The following NXPH1 variants were observed in gnomAD, a reference collection of about 807,000 sequenced individuals.
The protein encoded by NXPH1 is neurexophilin 1, also known as neurexophilin-1.
NXPH1 carries 5 observed loss-of-function variants against 23.7 expected under a neutral mutation model. The ratio of observed to expected loss-of-function variants is 0.21; its 90% CI spans 0.11 to 0.44. The LOEUF (loss-of-function observed/expected upper bound fraction) is 0.44. Among genes scored for constraint, NXPH1 ranks in the 20% least tolerant of loss-of-function variants. The probability of loss-of-function intolerance (pLI) is 0.99; values close to 1 mark genes in which losing one functional copy is unlikely to be tolerated. For synonymous variants in NXPH1, 144 were observed against 122.2 expected (o/e 1.18, Z -1.18); for missense variants, 324 against 321.6 (o/e 1.01, Z -0.06).
chr7:8,751,546 A>G lies in NXPH1; in HGVS notation c.593A>G (p.Tyr198Cys). Residue 198 changes from tyrosine to cysteine, a missense_variant, in exon 3 of 3, where the codon TAT becomes TGT. By Grantham distance (194) the Tyr-to-Cys change is radical. Transcript: ENST00000405863. This position sits in a 1 kb window ranked among gnomAD's most constrained non-coding sequence, Gnocchi z 4.5. ...DSKSFNCRIE[Y>C]EKVDKATKNT... ...AAGTCTTTTAATTGTCGCATTGAAT[A>G]TGAAAAGGTTGACAAGGCTACCAAG... 1 of 1,613,538 alleles carries G rather than the reference A, an allele frequency of 6.2e-7. No homozygotes were observed. The highest frequency in any genetic ancestry group is 8.5e-7 in the Non-Finnish European group (1 of 1,179,716).
Position 8,542,385 on chromosome 7 carries a change from A to G in NXPH1, c.54+106618A>G, listed in dbSNP as rs1343616699. On this transcript the variant is annotated intron_variant, in intron 2 of 2. Transcript: ENST00000405863. The stretch of plus-strand genomic sequence containing the variant: ...GCAGTGAGAGAGTTAAGAGATTCCA[A>G]CACCACTTTCTCAGTAATTGATAGA... Among the ~76,000 whole-genome samples, 8 of 151,582 alleles carry G rather than the reference A, an allele frequency of 5.3e-5. 1 individual carries two copies. The highest frequency in any genetic ancestry group is 1.2e-4 in the African/African-American group (5 of 41,382).
chr7:8,521,989 A>G (rs537353171), intron 2 of NXPH1, among the ~76,000 whole-genome samples: 3 of 152,296 alleles, frequency 2.0e-5, no homozygotes, highest in South Asian at 2.1e-4. Context: ...TAGGATACTG[A>G]CACTGCTACC....
chr7:8,749,048 A>AT (rs932054830), intron 2 of NXPH1, among the ~76,000 whole-genome samples: 8 of 152,080 alleles, frequency 5.3e-5, no homozygotes, highest in Admixed American at 2.0e-4. Context: ...GGGGGAGCCC[A>AT]TTTTTTTCCA....
At chr7:8,579,364 T>G (rs1440594680) in intron 2 of NXPH1, among the ~76,000 whole-genome samples, 1 of 114,230 alleles carries the variant, frequency 8.8e-6, no homozygotes, top group Non-Finnish European at 1.7e-5. Flanking sequence ...GTTTTTTTTG[T>G]TTTTTTTTTT....
intron 2 of NXPH1, among the ~76,000 whole-genome samples, chr7:8,692,716 A>G (rs746178371): frequency 6.6e-6 from 1 of 152,196 alleles, no homozygotes; most frequent in Non-Finnish European, 1.5e-5. Context: ...AACTCCCAGT[A>G]TCCTTTGTGT....
chr7:8,516,373 G>T (rs183378891), intron 2 of NXPH1, among the ~76,000 whole-genome samples: 5 of 152,122 alleles, frequency 3.3e-5, no homozygotes, highest in Admixed American at 6.6e-5. Context: ...TAAGAAACCA[G>T]TTACTCAGAA....
chr7:8,622,740 G>A (rs769133940), intron 2 of NXPH1, among the ~76,000 whole-genome samples: 1 of 152,140 alleles, frequency 6.6e-6, no homozygotes, highest in Admixed American at 6.6e-5. Flanking sequence ...AAAGAACTTT[G>A]TGCAAACGCT....
intron 2 of NXPH1, among the ~76,000 whole-genome samples, chr7:8,708,189 A>T (rs1779732243): frequency 6.6e-6 from 1 of 152,188 alleles, no homozygotes; most frequent in South Asian, 2.1e-4. Flanking sequence ...CAGAAAAATG[A>T]TCAAACATGA....
intron 2 of NXPH1, among the ~76,000 whole-genome samples, chr7:8,721,946 C>T (rs1779977523): frequency 6.6e-6 from 1 of 152,170 alleles, no homozygotes; most frequent in African/African-American, 2.4e-5. Flanking sequence ...ATGGCAAATT[C>T]CATGATCCTT....
chr7:8,686,757 T>C (rs1194000182), intron 2 of NXPH1, among the ~76,000 whole-genome samples: 2 of 152,118 alleles, frequency 1.3e-5, no homozygotes. Context: ...ATGTGTGGAA[T>C]GTCATACATG....
intron 2 of NXPH1, among the ~76,000 whole-genome samples, chr7:8,516,829 C>G (rs150811552): frequency 1.5e-3 from 223 of 152,106 alleles, no homozygotes; most frequent in African/African-American, 4.9e-3. Flanking sequence ...AAATCATGAA[C>G]GACTATAGAG....
In NXPH1 at chr7:8,443,513, C is replaced by T. The variant is rs144051005; in HGVS notation, c.54+7746C>T. On this transcript the variant is annotated intron_variant, in intron 2 of 2. Coordinates refer to ENST00000405863, the MANE Select transcript of NXPH1 (RefSeq NM_152745.3). Reference sequence around the variant, plus strand: ...CTGCCCCTCTTCCCCCGGCGAGGAACACGGCTGGAGCCACCCAGGCGCCTT... The same window carrying T: ...CTGCCCCTCTTCCCCCGGCGAGGAATACGGCTGGAGCCACCCAGGCGCCTT... Among the ~76,000 whole-genome samples, 5 of 152,388 alleles carry T rather than the reference C, an allele frequency of 3.3e-5. No individual in the cohort carries two copies. The East Asian group carries it at 9.6e-4, about 29-fold the overall frequency.
At chr7:8,746,078 C>T (rs79825518) in intron 2 of NXPH1, among the ~76,000 whole-genome samples, 5 of 152,272 alleles carry the variant, frequency 3.3e-5, no homozygotes, top group South Asian at 4.1e-4. Context: ...GTGAACTTCT[C>T]GAGAGCCAGG....
Position 8,752,883 on chromosome 7 carries a change from G to T in NXPH1, c.*1114G>T, listed in dbSNP as rs1368648835. On this transcript the variant is annotated 3_prime_UTR_variant, in exon 3 of 3. Transcript: ENST00000405863. The stretch of plus-strand genomic sequence containing the variant: ...AAAGCTATACATATACAACATTACA[G>T]TCTGTCTGTATTTAGATATTTTATT... 1.3e-5 allele frequency: 2 copies of T among 152,606 alleles called. No homozygotes were observed. The highest frequency in any genetic ancestry group is 4.1e-4 in the South Asian group (2 of 4,828). 9.5% of individuals were successfully genotyped at this position (152,606 alleles called of 1,614,324 possible).
intron 2 of NXPH1, among the ~76,000 whole-genome samples, chr7:8,605,358 A>T (rs1208472058): frequency 6.6e-6 from 1 of 152,164 alleles, no homozygotes; most frequent in African/African-American, 2.4e-5. Flanking sequence ...TAATGTGAAA[A>T]GGCTTGAACT....
intron 2 of NXPH1, among the ~76,000 whole-genome samples, chr7:8,558,720 T>C (rs1021353350): frequency 6.6e-6 from 1 of 151,714 alleles, no homozygotes; most frequent in African/African-American, 2.4e-5. Context: ...TTCTCCTTGT[T>C]ATTTTTAAAT....
chr7:8,647,595 T>C (rs915067639), intron 2 of NXPH1, among the ~76,000 whole-genome samples: 1 of 152,152 alleles, frequency 6.6e-6, no homozygotes, highest in Non-Finnish European at 1.5e-5. Context: ...TGTGTGGTTT[T>C]TATATCTCTA....
At chr7:8,725,088 T>C (rs530290715) in intron 2 of NXPH1, among the ~76,000 whole-genome samples, 18 of 152,310 alleles carry the variant, frequency 1.2e-4, no homozygotes, top group African/African-American at 4.3e-4. Flanking sequence ...GTTACCTTCT[T>C]AGGGAAGAGC....
intron 2 of NXPH1, among the ~76,000 whole-genome samples, chr7:8,724,270 G>A (rs1357754798): frequency 6.6e-6 from 1 of 152,158 alleles, no homozygotes; most frequent in Non-Finnish European, 1.5e-5. Flanking sequence ...CATGAATAGA[G>A]GCAGCTGTCA....
Sources: gnomAD v4.1 joint callset for allele counts (sites outside exome capture counted in the v4.1 genomes callset) on GRCh38, gnomAD v4.1.1 for gene constraint, Gnocchi (gnomAD v3.1) non-coding constraint, MANE v1.5 for transcripts, NCBI Gene and HGNC (gene_info 2026-07-23, HGNC 2026-07-21) for gene names.